The following BTBD9 variants were observed in gnomAD, a reference collection of about 807,000 sequenced individuals.
BTBD9 encodes the protein BTB/POZ domain-containing protein 9.
A neutral mutation model predicts 64.3 loss-of-function variants in BTBD9; 49 were observed. The ratio of observed to expected loss-of-function variants is 0.76; its 90% CI spans 0.61 to 0.97. The LOEUF (loss-of-function observed/expected upper bound fraction) is 0.97, where lower values mean the gene tolerates loss of function less well. Ranked by LOEUF, BTBD9 falls within the 50% of genes least tolerant of loss-of-function variation. BTBD9 has a pLI of 0.00. For missense variants in BTBD9, 598 were observed against 762.1 expected, an observed-to-expected ratio of 0.78 and a Z score of 2.53; for synonymous variants, 260 against 274.7, an observed-to-expected ratio of 0.95 and a Z score of 0.53.
chr6:38,522,829 C>T (rs1773327722), intron 6 of BTBD9, among the ~76,000 whole-genome samples: 1 of 152,124 alleles, frequency 6.6e-6, no homozygotes, highest in African/African-American at 2.4e-5. Flanking sequence ...AGTTTTCCCT[C>T]TGTAGTGAAA....
intron 7 of BTBD9, among the ~76,000 whole-genome samples, chr6:38,299,914 A>G (rs1762320313): frequency 6.6e-6 from 1 of 152,178 alleles, no homozygotes; most frequent in Non-Finnish European, 1.5e-5. Context: ...TTGGTGTTTT[A>G]GACATGAAGT....
intron 6 of BTBD9, among the ~76,000 whole-genome samples, chr6:38,503,738 G>A (rs1256254055): frequency 1.3e-5 from 2 of 151,942 alleles, no homozygotes; most frequent in Admixed American, 6.6e-5. Flanking sequence ...GGCATCACAC[G>A]CCAACAATAA....
chr6:38,288,843 C>G (rs1332925016), intron 7 of BTBD9, among the ~76,000 whole-genome samples: 3 of 152,060 alleles, frequency 2.0e-5, no homozygotes, highest in African/African-American at 7.2e-5. Context: ...AAGAGAATTG[C>G]TTGAACCTGG....
At chr6:38,418,371 T>C (rs1370567896) in intron 6 of BTBD9, among the ~76,000 whole-genome samples, 2 of 152,230 alleles carry the variant, frequency 1.3e-5, no homozygotes, top group African/African-American at 4.8e-5. Flanking sequence ...AAGTGTATGC[T>C]GGCCATTTCT....
intron 6 of BTBD9, among the ~76,000 whole-genome samples, chr6:38,402,453 T>C (rs1316394246): frequency 6.6e-6 from 1 of 152,130 alleles, no homozygotes; most frequent in Non-Finnish European, 1.5e-5. Context: ...ACCACAGTAA[T>C]CAAGATAGTG....
chr6:38,229,943 TC>T (rs913894304), intron 9 of BTBD9, among the ~76,000 whole-genome samples: 2 of 152,164 alleles, frequency 1.3e-5, no homozygotes, highest in Non-Finnish European at 2.9e-5. Context: ...AGTGAAATGT[TC>T]AGGACCAAGG....
intron 1 of BTBD9, among the ~76,000 whole-genome samples, chr6:38,606,779 C>A (rs951014217): frequency 4.6e-5 from 7 of 152,020 alleles, no homozygotes; most frequent in Non-Finnish European, 7.4e-5. Context: ...ATTTAATATT[C>A]AAAAAATTGA....
chr6:38,596,708 G>C (rs1407074940), intron 2 of BTBD9, among the ~76,000 whole-genome samples: 3 of 151,882 alleles, frequency 2.0e-5, no homozygotes, highest in Non-Finnish European at 4.4e-5. Context: ...GGCTGAGGCA[G>C]GAGAATGGCG....
chr6:38,374,147 T>TA (rs1306779822), intron 6 of BTBD9, among the ~76,000 whole-genome samples: 1 of 150,018 alleles, frequency 6.7e-6, no homozygotes, highest in Admixed American at 6.7e-5. Context: ...CACACGCTTG[T>TA]AATCCCAGTT....
At chr6:38,558,531 C>G (rs13203189) in intron 6 of BTBD9, among the ~76,000 whole-genome samples, 30,608 of 152,010 alleles carry the variant, frequency 0.2, 3,179 homozygotes, top group Middle Eastern at 0.26. Context: ...GGCTATGAGT[C>G]TGTCATAGAT....
intron 6 of BTBD9, among the ~76,000 whole-genome samples, chr6:38,484,253 A>T (rs1475964530): frequency 2.0e-5 from 3 of 152,238 alleles, no homozygotes; most frequent in African/African-American, 7.2e-5. Context: ...AGGAAGTGTT[A>T]TATTTTTATT....
chr6:38,619,500 G>T (rs1777912857), intron 1 of BTBD9, among the ~76,000 whole-genome samples: 1 of 152,152 alleles, frequency 6.6e-6, no homozygotes. Context: ...TCACCCCCTT[G>T]CCCATGTCCA....
chr6:38,563,244 C>A (rs1775330246), intron 6 of BTBD9, among the ~76,000 whole-genome samples: 1 of 152,188 alleles, frequency 6.6e-6, no homozygotes, highest in African/African-American at 2.4e-5. Context: ...ATATCATCTT[C>A]TAAGACAACA....
At chr6:38,544,882 G>A (rs577004183) in intron 6 of BTBD9, among the ~76,000 whole-genome samples, 3 of 129,426 alleles carry the variant, frequency 2.3e-5, no homozygotes, top group South Asian at 2.6e-4. Context: ...AGCCAAGACC[G>A]TGCCATTGCA....
chr6:38,337,808 C>G (rs959410956), intron 7 of BTBD9, among the ~76,000 whole-genome samples: 2 of 152,216 alleles, frequency 1.3e-5, no homozygotes, highest in African/African-American at 4.8e-5. Flanking sequence ...ATCTCAGAGG[C>G]TAAACCTTTG....
At position 38,201,330 on chromosome 6, in the gene BTBD9, C is replaced by T. The variant is rs562942378; in HGVS notation, c.1563-8733G>A. On this transcript the variant is annotated intron_variant, in intron 9 of 10. Coordinates refer to ENST00000481247, the MANE Select transcript of BTBD9 (RefSeq NM_001099272.2). ...ACGTGATACATTAGATCAACAAAAT[C>T]GAGGACAAAAACCATATGATCATTT... 3.3e-5 allele frequency among the ~76,000 whole-genome samples: 5 copies of T among 152,198 alleles called. No homozygotes were observed. In the South Asian group the frequency reaches 8.3e-4, roughly 25 times the overall value.
intron 9 of BTBD9, among the ~76,000 whole-genome samples, chr6:38,243,819 TG>T (rs1764091557): frequency 1.3e-5 from 2 of 152,188 alleles, no homozygotes; most frequent in South Asian, 4.1e-4. Context: ...GCCAAGAGAA[TG>T]AGCTAAATGG....
chr6:38,380,119 T>C (rs1454391019), intron 6 of BTBD9, among the ~76,000 whole-genome samples: 1 of 152,180 alleles, frequency 6.6e-6, no homozygotes, highest in Non-Finnish European at 1.5e-5. Flanking sequence ...TTTTAAAGTA[T>C]ATGCCTGTAT....
At chr6:38,223,499 A>C (rs986531333) in intron 9 of BTBD9, among the ~76,000 whole-genome samples, 2 of 152,012 alleles carry the variant, frequency 1.3e-5, no homozygotes, top group Non-Finnish European at 2.9e-5. Flanking sequence ...ATGTCTGGGT[A>C]ATTTTTATTT....
Sources: gnomAD v4.1 joint callset for allele counts (sites outside exome capture counted in the v4.1 genomes callset) on GRCh38, gnomAD v4.1.1 for gene constraint, MANE v1.5 for transcripts, NCBI Gene and HGNC (gene_info 2026-07-23, HGNC 2026-07-21) for gene names.